Variants in OR8D1 observed in about 807,000 individuals in gnomAD.
The protein encoded by OR8D1 is olfactory receptor family 8 subfamily D member 1.
For synonymous variants in OR8D1, 143 were observed against 147.0 expected (o/e 0.97, Z 0.20); for missense variants, 384 against 366.8 (o/e 1.05, Z -0.38).
rs114188836 is a variant in OR8D1, at chr11:124,304,416, C to A, written c.*5424G>T. 6.6e-6 allele frequency: 1 copy of A among 151,772 alleles called. No individual in the cohort carries two copies. The highest frequency in any genetic ancestry group is 2.4e-5 in the African/African-American group (1 of 41,352). 9.4% of individuals were successfully genotyped at this position (151,772 alleles called of 1,614,324 possible). On this transcript the variant is annotated 3_prime_UTR_variant, in exon 3 of 3. Coordinates refer to ENST00000641015, the MANE Select transcript of OR8D1 (RefSeq NM_001002917.2). ...AGTGGTGTTCCATTATACATATATT[C>A]CATAATTTCCTTCTCCATTTATCAG...
At position 124,303,548 on chromosome 11, in the gene OR8D1, T is replaced by G. The variant is rs1718896254; in HGVS notation, c.*6292A>C. On this transcript the variant is annotated 3_prime_UTR_variant, in exon 3 of 3. Coordinates refer to ENST00000641015, the MANE Select transcript of OR8D1 (RefSeq NM_001002917.2). The stretch of plus-strand genomic sequence containing the variant: ...GCTTTTTGTCCTTTGCTTATTAATT[T>G]GTGGGGCTTTTAAAATTATAGATAT... 1 of 152,112 alleles carries G rather than the reference T, an allele frequency of 6.6e-6. No homozygotes were observed. Among genetic ancestry groups the G allele is most frequent in the Non-Finnish European group, 1.5e-5 (1 of 67,998 alleles). The allele number at this position is 152,112 out of a possible 1,614,324, so 9.4% of individuals were successfully genotyped here.
In OR8D1 at chr11:124,310,127, C is replaced by T; in HGVS notation, c.640G>A (p.Val214Ile). 6.2e-7 allele frequency: 1 copy of T among 1,613,678 alleles called. No individual in the cohort carries two copies. Among genetic ancestry groups the T allele is most frequent in the Non-Finnish European group, 8.5e-7 (1 of 1,179,854 alleles). ...GFNTLVPTLA[V>I]AVSYAFILYS... ...AGGATGAAGGCATAGGAGACAGCAA[C>T]AGCTAGGGTGGGCACCAAGGTGTTA... Residue 214 changes from valine (V) to isoleucine (I), a missense_variant, in exon 3 of 3, where the codon GTT (valine) becomes ATT (isoleucine). Transcript: ENST00000641015.
intron 1 of OR8D1, 22 bp downstream of exon 1, chr11:124,313,699 A>G (rs1862442989): frequency 6.6e-6 from 1 of 152,192 alleles, no homozygotes; most frequent in Admixed American, 6.5e-5. Context: ...TATGATGGTC[A>G]TAAAGGAGAT....
At position 124,304,746 on chromosome 11, in the gene OR8D1, AT is replaced by A. The variant is rs561258011; in HGVS notation, c.*5093del. ...AGTTCATATAAAGTTTCTTTTACTC[AT>A]TTTTTTAATAATTGGTTGTAGGAAT... On this transcript the variant is annotated 3_prime_UTR_variant, in exon 3 of 3. Transcript: ENST00000641015. 2.0e-5 allele frequency: 3 copies of A among 151,586 alleles called. No homozygotes were observed. Among genetic ancestry groups the A allele is most frequent in the Non-Finnish European group, 2.9e-5 (2 of 67,804 alleles). The allele number at this position is 151,586 out of a possible 1,614,324, so 9.4% of individuals were successfully genotyped here.
rs1442242834 is a variant in OR8D1, at chr11:124,310,691, G to T, written c.76C>A (p.Pro26Thr). The T allele has an allele frequency of 6.2e-7, 1 of 1,613,892 alleles. No homozygotes were observed. Residue 26 changes from proline (P) to threonine (T), a missense_variant, in exon 3 of 3, where the codon CCC (proline) becomes ACC (threonine). Coordinates refer to ENST00000641015, the MANE Select transcript of OR8D1 (RefSeq NM_001002917.2). ...GLTQQAELQL[P>T]LFLLFLGIYV... The stretch of plus-strand genomic sequence containing the variant: ...ATTCCCAGGAACAGGAGGAAGAGGG[G>T]CAGCTGGAGCTCTGCTTGCTGTGTT...
Position 124,309,341 on chromosome 11 carries a change from T to TTTTTC in OR8D1, c.*494_*498dup, listed in dbSNP as rs1449459550. ...TAGAATTGCCATTCTTGTTCTTAACTTTTTCTTTTCTTTTCTATTCTTTCC... is the reference window on the plus strand; with the variant it reads ...TAGAATTGCCATTCTTGTTCTTAACTTTTTCTTTTCTTTTCTTTTCTATTCTTTCC... On this transcript the variant is annotated 3_prime_UTR_variant, in exon 3 of 3. Coordinates refer to ENST00000641015, the MANE Select transcript of OR8D1 (RefSeq NM_001002917.2). 1 of 152,166 alleles carries TTTTTC rather than the reference T, an allele frequency of 6.6e-6. No individual in the cohort carries two copies. The highest frequency in any genetic ancestry group is 2.4e-5 in the African/African-American group (1 of 41,442). The allele number at this position is 152,166 out of a possible 1,614,324, so 9.4% of individuals were successfully genotyped here.
chr11:124,308,384 T>C lies in OR8D1; in HGVS notation c.*1456A>G, dbSNP rs1394845820. On this transcript the variant is annotated 3_prime_UTR_variant, in exon 3 of 3. Transcript: ENST00000641015. The stretch of plus-strand genomic sequence containing the variant: ...AGGAATGGGAGGACTTGAGAAGATA[T>C]AGGCACTGTATCTGAGAAACTCTAA... 1 of 152,028 alleles carries C rather than the reference T, an allele frequency of 6.6e-6. No individual in the cohort carries two copies. Among genetic ancestry groups the C allele is most frequent in the Non-Finnish European group, 1.5e-5 (1 of 68,002 alleles). 9.4% of individuals were successfully genotyped at this position (152,028 alleles called of 1,614,324 possible). A position where few individuals can be genotyped will look rare whatever the true frequency, so the allele number is the denominator to read the frequency against.
Position 124,302,936 on chromosome 11 carries a change from A to C in OR8D1, c.*6904T>G, listed in dbSNP as rs1296488777. 6.6e-6 allele frequency: 1 copy of C among 152,124 alleles called. No individual in the cohort carries two copies. Among genetic ancestry groups the C allele is most frequent in the East Asian group, 1.9e-4 (1 of 5,182 alleles). The allele number at this position is 152,124 out of a possible 1,614,324, so 9.4% of individuals were successfully genotyped here. A position where few individuals can be genotyped will look rare whatever the true frequency, so the allele number is the denominator to read the frequency against. On this transcript the variant is annotated 3_prime_UTR_variant, in exon 3 of 3. Coordinates refer to ENST00000641015, the MANE Select transcript of OR8D1 (RefSeq NM_001002917.2). ...TGCAGGAATGCAGTTTCACAAGTGA[A>C]TCTGGAGCCAGGGCTTCCTGTCTCC... is the stretch of plus-strand genomic sequence containing the variant.
rs971092152 is a variant in OR8D1 at position 124,306,462 on chromosome 11, C to A, written c.*3378G>T. ...GCATACTTTTCTATGGGATATTAAT[C>A]TTTTTTGTATTAACTTCAAATCACC... On this transcript the variant is annotated 3_prime_UTR_variant, in exon 3 of 3. Transcript: ENST00000641015. The A allele has an allele frequency of 6.7e-6, 1 of 150,076 alleles. No individual in the cohort carries two copies. The highest frequency in any genetic ancestry group is 2.4e-5 in the African/African-American group (1 of 40,988). The allele number at this position is 150,076 out of a possible 1,614,324, so 9.3% of individuals were successfully genotyped here.
rs1862350094 is a variant in OR8D1, at chr11:124,304,407, A to C, written c.*5433T>G. The C allele has an allele frequency of 1.3e-5, 2 of 151,928 alleles. No individual in the cohort carries two copies. The highest frequency in any genetic ancestry group is 2.4e-5 in the African/African-American group (1 of 41,414). The allele number at this position is 151,928 out of a possible 1,614,324, so 9.4% of individuals were successfully genotyped here. A position where few individuals can be genotyped will look rare whatever the true frequency, so the allele number is the denominator to read the frequency against. On this transcript the variant is annotated 3_prime_UTR_variant, in exon 3 of 3. Transcript: ENST00000641015. ...TTATTACTAAGTGGTGTTCCATTAT[A>C]CATATATTCCATAATTTCCTTCTCC...
Position 124,307,309 on chromosome 11 carries a change from T to C in OR8D1, c.*2531A>G, listed in dbSNP as rs1862377093. The C allele has an allele frequency of 6.6e-6, 1 of 151,112 alleles. No individual in the cohort carries two copies. Among genetic ancestry groups the C allele is most frequent in the South Asian group, 2.1e-4 (1 of 4,744 alleles). The allele number at this position is 151,112 out of a possible 1,614,324, so 9.4% of individuals were successfully genotyped here. ...TAGTTTACAGTTTATGTGTAACTTTTAACTGTAGTGATCCCAGCAGGCAGC... is the reference window on the plus strand; with the variant it reads ...TAGTTTACAGTTTATGTGTAACTTTCAACTGTAGTGATCCCAGCAGGCAGC... On this transcript the variant is annotated 3_prime_UTR_variant, in exon 3 of 3. Coordinates refer to ENST00000641015, the MANE Select transcript of OR8D1 (RefSeq NM_001002917.2).
At chr11:124,313,356 A>C (rs1008614182) in intron 1 of OR8D1, among the ~76,000 whole-genome samples, 2 of 152,002 alleles carry the variant, frequency 1.3e-5, no homozygotes, top group Non-Finnish European at 2.9e-5. Flanking sequence ...AAAGAAAAAG[A>C]AAAAAAGAAA....
Position 124,307,735 on chromosome 11 carries a change from C to G in OR8D1, c.*2105G>C, listed in dbSNP as rs765744148. On this transcript the variant is annotated 3_prime_UTR_variant, in exon 3 of 3. Transcript: ENST00000641015. ...TTTTCATATAAAGGTATTTTAGACA[C>G]AGGGGATGGGATAATAATTGGTTAT... 2.0e-5 allele frequency: 3 copies of G among 151,996 alleles called. No individual in the cohort carries two copies. Among genetic ancestry groups the G allele is most frequent in the African/African-American group, 4.8e-5 (2 of 41,402 alleles). The allele number at this position is 151,996 out of a possible 1,614,324, so 9.4% of individuals were successfully genotyped here.
chr11:124,310,507 C>A lies in OR8D1; in HGVS notation c.260G>T (p.Gly87Val). The A allele has an allele frequency of 1.9e-6, 3 of 1,613,702 alleles. No individual in the cohort carries two copies. The highest frequency in any genetic ancestry group is 2.5e-6 in the Non-Finnish European group (3 of 1,179,886). The change falls in exon 3 of 3, where the codon GGA (glycine) becomes GTA (valine). Residue 87 changes from glycine to valine, a missense_variant. By Grantham distance (109) the Gly-to-Val change is moderately radical. Coordinates refer to ENST00000641015, the MANE Select transcript of OR8D1 (RefSeq NM_001002917.2). ...AGAGTAAAGGATTGTATTCTTCTTT[C>A]CTAGGAAGTTCACCAGCATTTTGGG... Reference protein sequence around the residue: ...ITPKMLVNFLGKKNTILYSEC... With the variant: ...ITPKMLVNFLVKKNTILYSEC...
In OR8D1 at chr11:124,310,488, A is replaced by G; in HGVS notation, c.279T>C (p.Leu93=). The G allele has an allele frequency of 6.2e-7, 1 of 1,613,800 alleles. No homozygotes were observed. The highest frequency in any genetic ancestry group is 1.7e-5 in the Admixed American group (1 of 59,964). ...AGAGCTGGACCATGCACTCAGAGTA[A>G]AGGATTGTATTCTTCTTTCCTAGGA... is the stretch of plus-strand genomic sequence containing the variant. ...VNFLGKKNTI[L]YSECMVQLFF... The change falls in exon 3 of 3, where the codon CTT becomes CTC. Residue 93 remains leucine, a synonymous_variant. Coordinates refer to ENST00000641015, the MANE Select transcript of OR8D1 (RefSeq NM_001002917.2).
chr11:124,310,036 T>C lies in OR8D1; in HGVS notation c.731A>G (p.His244Arg), dbSNP rs1392255918. The change falls in exon 3 of 3, where the codon CAT becomes CGT. Residue 244 changes from histidine (H) to arginine (R), a missense_variant. Physicochemically the swap from His to Arg is conservative, Grantham distance 29. Transcript: ENST00000641015. ...RSKAFGTCSS[H>R]LMAVVIFFGS... ...AAAGAAGATCACCACAGCCATGAGA[T>C]GAGAGCTGCATGTTCCAAAAGCTTT... The C allele has an allele frequency of 6.2e-7, 1 of 1,610,928 alleles. No individual in the cohort carries two copies. Among genetic ancestry groups the C allele is most frequent in the African/African-American group, 1.3e-5 (1 of 74,778 alleles).
rs568125454 is a variant in OR8D1 at position 124,309,920 on chromosome 11, G to A, written c.847C>T (p.Pro283Ser). The A allele has an allele frequency of 1.6e-4, 252 of 1,527,348 alleles. 1 individual carries two copies. The South Asian group carries it at 3.1e-3, about 19-fold the overall frequency. 94.6% of individuals were successfully genotyped at this position (1,527,348 alleles called of 1,614,324 possible). A position where few individuals can be genotyped will look rare whatever the true frequency, so the allele number is the denominator to read the frequency against. Residue 283 changes from proline to serine, a missense_variant, in exon 3 of 3, where the codon CCC (proline) becomes TCC (serine). Coordinates refer to ENST00000641015, the MANE Select transcript of OR8D1 (RefSeq NM_001002917.2). ...VSSVFYTTVI[P>S]MLNPLIYSLR... ...CTGTATATTAAAGGGTTCAGCATGG[G>A]GATCACCGTGGTGTAGAACACAGAG...
In OR8D1 at chr11:124,311,564, G is replaced by C. The variant is rs1430147809; in HGVS notation, c.-17+8C>G. 1 of 152,338 alleles carries C rather than the reference G, an allele frequency of 6.6e-6. No individual in the cohort carries two copies. The highest frequency in any genetic ancestry group is 1.5e-5 in the Non-Finnish European group (1 of 68,196). The allele number at this position is 152,338 out of a possible 1,614,324, so 9.4% of individuals were successfully genotyped here. On this transcript the variant is annotated splice_region_variant and intron_variant, in intron 2 of 2. Transcript: ENST00000641015. ...ACTTACGAGATCCGCACACCCCACA[G>C]AACAGACCTTACGGTGGCAGGAAAA... is the stretch of plus-strand genomic sequence containing the variant.
rs1454993009 is a variant in OR8D1 at position 124,305,013 on chromosome 11, T to C, written c.*4827A>G. ...AAGATAGCTCTTATGCTCCCTTCTG[T>C]AATCAATCTCTAGTTAGTGTGTGTG... is the stretch of plus-strand genomic sequence containing the variant. On this transcript the variant is annotated 3_prime_UTR_variant, in exon 3 of 3. Coordinates refer to ENST00000641015, the MANE Select transcript of OR8D1 (RefSeq NM_001002917.2). The C allele has an allele frequency of 6.6e-6, 1 of 151,952 alleles. No individual in the cohort carries two copies. Among genetic ancestry groups the C allele is most frequent in the Non-Finnish European group, 1.5e-5 (1 of 67,900 alleles). 9.4% of individuals were successfully genotyped at this position (151,952 alleles called of 1,614,324 possible).
Sources: allele counts gnomAD v4.1 joint callset (sites outside exome capture counted in the v4.1 genomes callset), GRCh38; gene constraint gnomAD v4.1.1; transcripts MANE v1.5; gene names NCBI Gene and HGNC (gene_info 2026-07-23, HGNC 2026-07-21).